FNIP2: variants seen among roughly 807,000 people sequenced by gnomAD.
The protein encoded by FNIP2 is folliculin-interacting protein 2.
FNIP2 carries 32 observed loss-of-function variants against 108.7 expected under a neutral mutation model. That is an observed-to-expected ratio of 0.29 (90% CI 0.22 to 0.40). FNIP2 has a LOEUF of 0.40. Ranked by LOEUF, FNIP2 falls within the 10% of genes least tolerant of loss-of-function variation. FNIP2 has a pLI of 1.00. For synonymous variants in FNIP2, 480 were observed against 496.7 expected, an observed-to-expected ratio of 0.97 and a Z score of 0.45; for missense variants, 1,202 against 1,381.6, an observed-to-expected ratio of 0.87 and a Z score of 2.06.
intron 1 of FNIP2, among the ~76,000 whole-genome samples, chr4:158,823,337 C>G (rs1270335650): frequency 6.6e-6 from 1 of 152,140 alleles, no homozygotes; most frequent in Non-Finnish European, 1.5e-5. Flanking sequence ...GCGATCTCGG[C>G]TCACTGCAAC....
chr4:158,871,949 G>A, intron 14 of FNIP2: 4 of 985,050 alleles, frequency 4.1e-6, no homozygotes, highest in Non-Finnish European at 4.8e-6. Context: ...TAACATTAAG[G>A]CACCTTTTCT....
intron 7 of FNIP2, among the ~76,000 whole-genome samples, chr4:158,847,884 G>A (rs1560798308): frequency 6.6e-6 from 1 of 152,334 alleles, no homozygotes; most frequent in East Asian, 1.9e-4. Context: ...GCCCGTGGTG[G>A]TGGTGGACAT....
intron 1 of FNIP2, among the ~76,000 whole-genome samples, chr4:158,810,688 G>A (rs1777221677): frequency 6.6e-6 from 1 of 152,122 alleles, no homozygotes; most frequent in Non-Finnish European, 1.5e-5. Flanking sequence ...TTTTGTCTCG[G>A]TCATATTTGG....
chr4:158,890,415 T>G (rs912932419), intron 14 of FNIP2: 2 of 918,558 alleles, frequency 2.2e-6, no homozygotes, highest in Admixed American at 1.2e-4. Flanking sequence ...CTCACCACTC[T>G]CTTTCCCATT....
At chr4:158,850,258 A>G (rs951529387) in intron 7 of FNIP2, among the ~76,000 whole-genome samples, 2 of 152,178 alleles carry the variant, frequency 1.3e-5, no homozygotes, top group African/African-American at 4.8e-5. Flanking sequence ...GAAAATGTTG[A>G]CTGGCCATCT....
intron 14 of FNIP2, among the ~76,000 whole-genome samples, chr4:158,875,625 C>A (rs1781240095): frequency 6.6e-6 from 1 of 150,444 alleles, no homozygotes; most frequent in Admixed American, 6.6e-5. Flanking sequence ...AATGGTAAAT[C>A]ATTACTTAAG....
intron 1 of FNIP2, among the ~76,000 whole-genome samples, chr4:158,820,539 G>T (rs375549934): frequency 6.6e-6 from 1 of 152,158 alleles, no homozygotes; most frequent in Non-Finnish European, 1.5e-5. Flanking sequence ...AGGTCAGATC[G>T]TGTCATTCTC....
At chr4:158,796,978 G>A (rs1292030862) in intron 1 of FNIP2, among the ~76,000 whole-genome samples, 2 of 152,140 alleles carry the variant, frequency 1.3e-5, no homozygotes, top group African/African-American at 2.4e-5. Context: ...CTGATCATGA[G>A]GAACTGACTC....
chr4:158,814,305 C>G (rs1346580620), intron 1 of FNIP2, among the ~76,000 whole-genome samples: 2 of 152,220 alleles, frequency 1.3e-5, no homozygotes, highest in Non-Finnish European at 2.9e-5. Context: ...CCTGACTTAG[C>G]CACTTACTGG....
intron 14 of FNIP2, among the ~76,000 whole-genome samples, chr4:158,882,307 G>A (rs927844721): frequency 6.6e-5 from 10 of 151,634 alleles, no homozygotes; most frequent in East Asian, 2.0e-4. Flanking sequence ...GTCTCCGCCC[G>A]GCAGCTGCCC....
At chr4:158,870,117 T>C (rs1780851703) in intron 13 of FNIP2, among the ~76,000 whole-genome samples, 196 bp from the exon 14 acceptor site, 1 of 152,116 alleles carries the variant, frequency 6.6e-6, no homozygotes, top group African/African-American at 2.4e-5. Context: ...CATGGATAGT[T>C]TTTTTTTCTT....
intron 1 of FNIP2, among the ~76,000 whole-genome samples, chr4:158,772,876 A>C (rs1775741312): frequency 6.6e-6 from 1 of 152,226 alleles, no homozygotes; most frequent in Admixed American, 6.5e-5. Flanking sequence ...ATTGGAAACT[A>C]TAACAAACAG....
chr4:158,835,311 AG>A, intron 6 of FNIP2, 93 bp from the exon 7 acceptor site: 1 of 968,410 alleles, frequency 1.0e-6, no homozygotes, highest in Non-Finnish European at 1.6e-6. Flanking sequence ...CAGTAGCAGT[AG>A]CCTACTTTGA....
At chr4:158,814,897 T>C (rs1777478000) in intron 1 of FNIP2, among the ~76,000 whole-genome samples, 2 of 152,222 alleles carry the variant, frequency 1.3e-5, no homozygotes, top group Non-Finnish European at 2.9e-5. Flanking sequence ...AAACAGTAGT[T>C]AAGGGCTTGT....
chr4:158,870,450 A>G lies in FNIP2; in HGVS notation c.2930A>G (p.Asp977Gly), dbSNP rs368433836. ...AAGCTGAAGCAGTGCCTGGTGGCCG[A>G]CCTTGTCCACACAGTCCATGTAAGT... ...DEKLKQCLVA[D>G]LVHTVHHPVL... The change falls in exon 14 of 17, where the codon GAC (aspartate) becomes GGC (glycine). Residue 977 changes from aspartate to glycine, a missense_variant. Physicochemically the swap from Asp to Gly is moderately conservative, Grantham distance 94. Transcript: ENST00000264433. The G allele has an allele frequency of 1.2e-6, 2 of 1,612,328 alleles. No individual in the cohort carries two copies. The highest frequency in any genetic ancestry group is 1.7e-6 in the Non-Finnish European group (2 of 1,179,012).
chr4:158,835,452 A>T lies in FNIP2; in HGVS notation c.703A>T (p.Arg235Trp), dbSNP rs1302659533. ...GCCAAGCAGAGGACAGAATGAAGACAGGGACAGTGGCATTGCTCGATCAGG... is the reference window on the plus strand; with the variant it reads ...GCCAAGCAGAGGACAGAATGAAGACTGGGACAGTGGCATTGCTCGATCAGG... ...DMPSRGQNEDRDSGIARSASL... is the reference protein window; with the variant it reads ...DMPSRGQNEDWDSGIARSASL... The change falls in exon 7 of 17, where the codon AGG becomes TGG. Residue 235 changes from arginine to tryptophan, a missense_variant. This residue lies in a region of FNIP2 where 878 missense variants were observed against 990.3 expected (regional missense o/e 0.89). Transcript: ENST00000264433. 2 of 1,612,576 alleles carry T rather than the reference A, an allele frequency of 1.2e-6. No individual in the cohort carries two copies. The highest frequency in any genetic ancestry group is 3.3e-5 in the Admixed American group (2 of 59,976).
At chr4:158,893,986 T>C (rs954091901) in intron 15 of FNIP2, among the ~76,000 whole-genome samples, 7 of 152,032 alleles carry the variant, frequency 4.6e-5, no homozygotes, top group Non-Finnish European at 1.5e-5. Context: ...AAAAAATCAC[T>C]TGAATGAAAC....
chr4:158,855,225 A>G (rs1351201890), intron 8 of FNIP2, among the ~76,000 whole-genome samples: 1 of 152,142 alleles, frequency 6.6e-6, no homozygotes, highest in Non-Finnish European at 1.5e-5. Context: ...CACATGCTTC[A>G]TTGTCCCATT....
intron 3 of FNIP2, among the ~76,000 whole-genome samples, chr4:158,831,448 T>C (rs1335561732): frequency 1.3e-5 from 2 of 152,256 alleles, no homozygotes; most frequent in African/African-American, 4.8e-5. Flanking sequence ...TTATTCCACA[T>C]TGTTAATTAT....
Sources: gnomAD v4.1 joint callset for allele counts (sites outside exome capture counted in the v4.1 genomes callset) on GRCh38, gnomAD v4.1.1 for gene constraint, gnomAD v4.1.1 regional missense constraint, MANE v1.5 for transcripts, NCBI Gene and HGNC (gene_info 2026-07-23, HGNC 2026-07-21) for gene names.